Variants in AFF3 observed in about 807,000 individuals in gnomAD.
AFF3 encodes ALF transcription elongation factor 3, also known as AF4/FMR2 family member 3.
A neutral mutation model predicts 129.7 loss-of-function variants in AFF3; 32 were observed. The observed-to-expected ratio is 0.25, with a 90% CI of 0.19 to 0.33. The LOEUF (loss-of-function observed/expected upper bound fraction) is 0.33, where lower values mean the gene tolerates loss of function less well. AFF3 is among the 10% of genes least tolerant of loss of function. AFF3 has a pLI of 1.00. For synonymous variants in AFF3, 644 were observed against 635.4 expected (o/e 1.01, Z -0.20); for missense variants, 1,373 against 1,592.0 (o/e 0.86, Z 2.34).
chr2:99,582,947 G>C lies in AFF3; in HGVS notation c.2644C>G (p.Pro882Ala). The C allele has an allele frequency of 6.2e-7, 1 of 1,614,152 alleles. No individual in the cohort carries two copies. Among genetic ancestry groups the C allele is most frequent in the Non-Finnish European group, 8.5e-7 (1 of 1,180,028 alleles). ...TTGTGTTTAGATGCATCAGAGAGGG[G>C]TGAGATGGGCGACCGAAGCATTTTT... ...NEKMLRSPIS[P>A]LSDASKHKYT... The change falls in exon 17 of 25, where the codon CCC (proline) becomes GCC (alanine). Residue 882 changes from proline (P) to alanine (A), a missense_variant. Pro to Ala is a conservative substitution (Grantham distance 27). Coordinates refer to ENST00000672756, the MANE Select transcript of AFF3 (RefSeq NM_001386135.1).
At chr2:99,864,613 C>A (rs759486319) in intron 7 of AFF3, among the ~76,000 whole-genome samples, 1 of 152,122 alleles carries the variant, frequency 6.6e-6, no homozygotes, top group African/African-American at 2.4e-5. Context: ...TGAAAGACAC[C>A]CATATTCCAG....
chr2:99,557,620 T>C lies in AFF3; in HGVS notation c.3285+1255A>G, dbSNP rs1008493123. ...GTAGTAGATCTTACGTTCTGGATTT[T>C]TGAACACTATTGATGTTGACTTTAG... On this transcript the variant is annotated intron_variant, in intron 22 of 24. Coordinates refer to ENST00000672756, the MANE Select transcript of AFF3 (RefSeq NM_001386135.1). 2.0e-5 allele frequency among the ~76,000 whole-genome samples: 3 copies of C among 152,338 alleles called. No homozygotes were observed. The South Asian group carries it at 6.2e-4, about 32-fold the overall frequency.
intron 7 of AFF3, among the ~76,000 whole-genome samples, chr2:99,969,907 A>G (rs1678184012): frequency 6.6e-6 from 1 of 152,230 alleles, no homozygotes; most frequent in Non-Finnish European, 1.5e-5. Context: ...AGAACTTATG[A>G]AATTTTACAC....
intron 8 of AFF3, among the ~76,000 whole-genome samples, chr2:99,777,143 G>T (rs1683966683): frequency 6.6e-6 from 1 of 152,210 alleles, no homozygotes; most frequent in Non-Finnish European, 1.5e-5. Context: ...GCAGTAGCCA[G>T]TGCCACACAA....
chr2:99,732,692 A>G (rs1679931543), intron 10 of AFF3, among the ~76,000 whole-genome samples: 1 of 152,070 alleles, frequency 6.6e-6, no homozygotes, highest in Non-Finnish European at 1.5e-5. Flanking sequence ...TAGAACTGCA[A>G]ACATTCATGA....
At chr2:99,873,641 T>C (rs1355683317) in intron 7 of AFF3, among the ~76,000 whole-genome samples, 1 of 151,656 alleles carries the variant, frequency 6.6e-6, no homozygotes, top group Non-Finnish European at 1.5e-5. Flanking sequence ...CCTATGGAGA[T>C]GCCATCTATG....
At chr2:99,974,635 T>C (rs1678702020) in intron 7 of AFF3, among the ~76,000 whole-genome samples, 1 of 152,216 alleles carries the variant, frequency 6.6e-6, no homozygotes, top group South Asian at 2.1e-4. Flanking sequence ...CTCTGACCAA[T>C]GGAAAATGGA....
intron 4 of AFF3, among the ~76,000 whole-genome samples, chr2:100,079,823 A>G (rs1160755221): frequency 2.0e-5 from 3 of 152,152 alleles, no homozygotes; most frequent in African/African-American, 4.8e-5. Context: ...CGCAGATGTT[A>G]TATCTGCGTT....
At chr2:100,141,548 A>C (rs1464448733) in intron 1 of AFF3, among the ~76,000 whole-genome samples, 1 of 152,234 alleles carries the variant, frequency 6.6e-6, no homozygotes, top group Non-Finnish European at 1.5e-5. Context: ...ACATTCAAAG[A>C]ATGAGTTTAC....
intron 13 of AFF3, among the ~76,000 whole-genome samples, chr2:99,645,016 T>C (rs972694517): frequency 6.6e-6 from 1 of 152,196 alleles, no homozygotes; most frequent in Non-Finnish European, 1.5e-5. Flanking sequence ...GAGATTTTCT[T>C]GTAATTGGCT....
intron 4 of AFF3, among the ~76,000 whole-genome samples, chr2:100,059,078 C>A (rs965543643): frequency 2.6e-5 from 4 of 151,764 alleles, no homozygotes; most frequent in South Asian, 4.2e-4. Context: ...CATGGTGAAA[C>A]CCCATCTCTA....
At chr2:99,743,865 G>A (rs1450718129) in intron 10 of AFF3, among the ~76,000 whole-genome samples, 1 of 152,086 alleles carries the variant, frequency 6.6e-6, no homozygotes, top group Non-Finnish European at 1.5e-5. Flanking sequence ...TTTCTCTTGG[G>A]ATGGCTTTGA....
intron 8 of AFF3, among the ~76,000 whole-genome samples, chr2:99,814,996 T>C (rs1027759210): frequency 3.3e-5 from 5 of 151,990 alleles, no homozygotes; most frequent in Non-Finnish European, 7.4e-5. Flanking sequence ...ATTACAGGCG[T>C]GTACCATCCC....
At chr2:99,730,684 T>C (rs2105028047) in intron 10 of AFF3, among the ~76,000 whole-genome samples, 2 of 151,918 alleles carry the variant, frequency 1.3e-5, no homozygotes, top group African/African-American at 4.8e-5. Context: ...CCGGCTAATG[T>C]TTTTATTTTT....
intron 7 of AFF3, among the ~76,000 whole-genome samples, chr2:99,925,736 T>C (rs563767186): frequency 6.6e-6 from 1 of 152,236 alleles, no homozygotes. Flanking sequence ...CATGTGCAGG[T>C]AGAGTGCAGG....
rs1422826923 is a variant in AFF3, at chr2:99,678,600, A to T, written c.1092-6011T>A. The stretch of plus-strand genomic sequence containing the variant: ...TTTTGCTTTGTTTTAATGGTTTTTT[A>T]AAAAATCTGAGTTTTAATTGGGCTG... On this transcript the variant is annotated intron_variant, in intron 11 of 24. Coordinates refer to ENST00000672756, the MANE Select transcript of AFF3 (RefSeq NM_001386135.1). Among the ~76,000 whole-genome samples, 4 of 152,196 alleles carry T rather than the reference A, an allele frequency of 2.6e-5. No homozygotes were observed. In the South Asian group the frequency reaches 6.2e-4, roughly 24 times the overall value.
intron 7 of AFF3, among the ~76,000 whole-genome samples, chr2:99,888,122 T>C (rs1354748232): frequency 6.6e-6 from 1 of 152,034 alleles, no homozygotes; most frequent in African/African-American, 2.4e-5. Context: ...CTTTTCATCA[T>C]CCCCAAGAAA....
intron 4 of AFF3, among the ~76,000 whole-genome samples, chr2:100,028,108 A>C (rs1177722765): frequency 6.6e-6 from 1 of 152,208 alleles, no homozygotes; most frequent in African/African-American, 2.4e-5. Flanking sequence ...TGCAAAGTTG[A>C]AACAGTTTTT....
intron 4 of AFF3, among the ~76,000 whole-genome samples, chr2:100,026,716 A>AATATATATAT (rs141297271): frequency 6.9e-6 from 1 of 145,862 alleles, no homozygotes; most frequent in African/African-American, 2.5e-5. Flanking sequence ...TATATATATA[A>AATATATATAT]ATATATATAT....
Sources: allele counts gnomAD v4.1 joint callset (sites outside exome capture counted in the v4.1 genomes callset), GRCh38; gene constraint gnomAD v4.1.1; transcripts MANE v1.5; gene names NCBI Gene and HGNC (gene_info 2026-07-23, HGNC 2026-07-21).